Variants in ADAMTSL1 observed in about 807,000 individuals in gnomAD.
ADAMTSL1 encodes the protein ADAMTS like 1.
In ADAMTSL1, 126 loss-of-function variants were observed where a neutral mutation model predicts 201.8. That is an observed-to-expected ratio of 0.62 (90% confidence interval 0.54 to 0.72). The LOEUF (loss-of-function observed/expected upper bound fraction) is 0.72. Ranked by LOEUF, ADAMTSL1 falls within the 30% of genes least tolerant of loss-of-function variation. The probability of loss-of-function intolerance (pLI) is 0.00; values close to 1 mark genes in which losing one functional copy is unlikely to be tolerated. For missense variants in ADAMTSL1, 2,679 were observed against 2,277.8 expected (o/e 1.18, Z -3.59); for synonymous variants, 1,121 against 903.4 (o/e 1.24, Z -4.32).
intron 2 of ADAMTSL1, among the ~76,000 whole-genome samples, chr9:18,420,313 G>C (rs1024319814): frequency 2.6e-5 from 4 of 152,212 alleles, no homozygotes; most frequent in Non-Finnish European, 5.9e-5. Flanking sequence ...GCTTGAACTA[G>C]AATGGTCTAC....
At chr9:18,837,944 G>A (rs1825421154) in intron 23 of ADAMTSL1, among the ~76,000 whole-genome samples, 1 of 152,130 alleles carries the variant, frequency 6.6e-6, no homozygotes, top group Non-Finnish European at 1.5e-5. Flanking sequence ...CTGTATCTCT[G>A]TGTCCTTCAT....
intron 25 of ADAMTSL1, chr9:18,890,417 T>G: frequency 2.3e-6 from 1 of 433,110 alleles, no homozygotes; most frequent in Middle Eastern, 3.4e-4. Context: ...GTTAAATGGA[T>G]AATAGATGGG....
chr9:18,364,453 T>A (rs193171858), intron 2 of ADAMTSL1, among the ~76,000 whole-genome samples: 1 of 152,058 alleles, frequency 6.6e-6, no homozygotes, highest in African/African-American at 2.4e-5. Flanking sequence ...TCTCAGACAA[T>A]ATAGTTTAAT....
intron 2 of ADAMTSL1, among the ~76,000 whole-genome samples, chr9:18,240,017 A>G (rs1831001071): frequency 6.6e-6 from 1 of 152,138 alleles, no homozygotes; most frequent in Non-Finnish European, 1.5e-5. Context: ...ACTTCTTCCA[A>G]ACTACTATTG....
At chr9:18,158,568 T>C (rs2132073457) in intron 1 of ADAMTSL1, among the ~76,000 whole-genome samples, 1 of 152,178 alleles carries the variant, frequency 6.6e-6, no homozygotes, top group Non-Finnish European at 1.5e-5. Context: ...GACCCTTGTT[T>C]ATCACAAGTG....
rs768979123 is a variant in ADAMTSL1 at position 18,246,460 on chromosome 9, A to G, written c.207+82479A>G. Among the ~76,000 whole-genome samples the G allele has an allele frequency of 1.6e-4, 24 of 152,302 alleles. 1 individual carries two copies. Among genetic ancestry groups the G allele is most frequent in the South Asian group, 4.1e-4 (2 of 4,828 alleles). The stretch of plus-strand genomic sequence containing the variant: ...GTACTTAAAGAAGAGAAAGATAAAA[A>G]CATCAGATACAAGAAAAGTGGTATC... On this transcript the variant is annotated intron_variant, in intron 2 of 29. Transcript: ENST00000680146.
intron 2 of ADAMTSL1, among the ~76,000 whole-genome samples, chr9:18,304,390 C>T (rs1163749139): frequency 5.9e-5 from 9 of 151,712 alleles, no homozygotes; most frequent in Admixed American, 2.0e-4. Context: ...TCCTGGGTGT[C>T]GGAAATGTTT....
intron 4 of ADAMTSL1, among the ~76,000 whole-genome samples, chr9:18,619,058 G>A (rs560003160): frequency 2.0e-5 from 3 of 152,292 alleles, no homozygotes; most frequent in South Asian, 2.1e-4. Context: ...TTTGGGATTT[G>A]AAGGATGAGT....
At chr9:18,405,423 G>C (rs1167950614) in intron 2 of ADAMTSL1, among the ~76,000 whole-genome samples, 1 of 152,154 alleles carries the variant, frequency 6.6e-6, no homozygotes, top group African/African-American at 2.4e-5. Flanking sequence ...GCAGATGGCA[G>C]GGGCACTCTT....
intron 2 of ADAMTSL1, among the ~76,000 whole-genome samples, chr9:18,295,746 C>G (rs375652306): frequency 6.6e-6 from 1 of 152,130 alleles, no homozygotes; most frequent in African/African-American, 2.4e-5. Flanking sequence ...CTAAATAGTT[C>G]ATGTACATAC....
At chr9:18,492,746 T>C (rs1317569747) in intron 1 of ADAMTSL1, among the ~76,000 whole-genome samples, 1 of 152,206 alleles carries the variant, frequency 6.6e-6, no homozygotes, top group Non-Finnish European at 1.5e-5. Flanking sequence ...ATAGACATTT[T>C]TGTAGCTAGA....
chr9:18,338,508 A>G (rs1447993747), intron 2 of ADAMTSL1, among the ~76,000 whole-genome samples: 2 of 151,984 alleles, frequency 1.3e-5, no homozygotes, highest in African/African-American at 4.8e-5. Context: ...GTGTGGTGGC[A>G]TAATCATTGC....
At chr9:18,887,374 A>C (rs1303748395) in intron 23 of ADAMTSL1, among the ~76,000 whole-genome samples, 1 of 152,224 alleles carries the variant, frequency 6.6e-6, no homozygotes, top group Non-Finnish European at 1.5e-5. Context: ...TCTCATAACA[A>C]GTAAAATGAG....
At chr9:18,021,429 T>C (rs1274181955) in intron 1 of ADAMTSL1, among the ~76,000 whole-genome samples, 12 of 152,152 alleles carry the variant, frequency 7.9e-5, no homozygotes, top group Admixed American at 7.9e-4. Flanking sequence ...TTTGGGGCTG[T>C]CTGGAGATTA....
intron 5 of ADAMTSL1, among the ~76,000 whole-genome samples, chr9:18,627,355 A>G (rs1826456506): frequency 6.6e-6 from 1 of 152,162 alleles, no homozygotes; most frequent in Non-Finnish European, 1.5e-5. Context: ...CATTTTCCTA[A>G]TGGCTAATAA....
intron 2 of ADAMTSL1, among the ~76,000 whole-genome samples, chr9:18,418,695 G>T (rs966516451): frequency 2.0e-4 from 30 of 152,134 alleles, no homozygotes; most frequent in African/African-American, 6.3e-4. Flanking sequence ...AATCAAAGAA[G>T]ACCTAAGTAA....
intron 3 of ADAMTSL1, among the ~76,000 whole-genome samples, chr9:18,542,103 A>T (rs537672175): frequency 3.7e-4 from 57 of 152,278 alleles, no homozygotes; most frequent in African/African-American, 1.3e-3. Context: ...GGGGACTTTC[A>T]TTTTTTATTC....
rs537851951 is a variant in ADAMTSL1 at position 17,979,137 on chromosome 9, A to G, written c.87+72215A>G. ...GATTTTGACAGTTTGATTATAATGT[A>G]TCTGATAAAGTCTTCTTTGGGTTGA... is the stretch of plus-strand genomic sequence containing the variant. On this transcript the variant is annotated intron_variant, in intron 1 of 29. Transcript: ENST00000680146. Among the ~76,000 whole-genome samples the G allele has an allele frequency of 9.9e-5, 15 of 152,196 alleles. 1 individual carries two copies. In the South Asian group the frequency reaches 2.7e-3, roughly 27 times the overall value.
chr9:18,042,421 A>T (rs1048316155), intron 1 of ADAMTSL1, among the ~76,000 whole-genome samples: 1 of 152,184 alleles, frequency 6.6e-6, no homozygotes, highest in African/African-American at 2.4e-5. Flanking sequence ...TTAAATCCTC[A>T]TGACAGCTCA....
Sources: allele counts gnomAD v4.1 joint callset (sites outside exome capture counted in the v4.1 genomes callset), GRCh38; gene constraint gnomAD v4.1.1; transcripts MANE v1.5; gene names NCBI Gene and HGNC (gene_info 2026-07-23, HGNC 2026-07-21).